RBFOX1: variants seen among roughly 807,000 people sequenced by gnomAD.
The protein encoded by RBFOX1 is RNA binding protein fox-1 homolog 1.
A neutral mutation model predicts 57.7 loss-of-function variants in RBFOX1; 8 were observed. That is an observed-to-expected ratio of 0.14 (90% CI 0.08 to 0.25). RBFOX1 has a LOEUF of 0.25. Among genes scored for constraint, RBFOX1 ranks in the 10% least tolerant of loss-of-function variants. The pLI is 1.00. For missense variants in RBFOX1, 611 were observed against 548.5 expected, an observed-to-expected ratio of 1.11 and a Z score of -1.14; for synonymous variants, 326 against 222.4, an observed-to-expected ratio of 1.47 and a Z score of -4.15.
intron 3 of RBFOX1, among the ~76,000 whole-genome samples, chr16:7,020,348 A>G (rs1597198258): frequency 1.3e-5 from 2 of 151,710 alleles, no homozygotes; most frequent in African/African-American, 4.8e-5. Flanking sequence ...GCCTCAGCCT[A>G]CGGAGTAGCT....
At chr16:7,140,132 C>CTT in intron 4 of RBFOX1, among the ~76,000 whole-genome samples, 15 of 147,886 alleles carry the variant, frequency 1.0e-4, no homozygotes, top group Non-Finnish European at 2.1e-4. Context: ...AATTCATTCT[C>CTT]ATTCTCTTAT....
chr16:5,555,991 A>T (rs2045659080), intron 2 of RBFOX1, among the ~76,000 whole-genome samples: 1 of 152,116 alleles, frequency 6.6e-6, no homozygotes, highest in South Asian at 2.1e-4. Flanking sequence ...ATTGCACTCC[A>T]GCCTGGGCAA....
intron 2 of RBFOX1, among the ~76,000 whole-genome samples, chr16:5,583,136 T>C (rs1290477080): frequency 6.6e-6 from 1 of 152,214 alleles, no homozygotes; most frequent in Non-Finnish European, 1.5e-5. Context: ...AGAGCTCAAA[T>C]ACATTCAAAC....
intron 4 of RBFOX1, among the ~76,000 whole-genome samples, chr16:7,354,153 T>C (rs2097174767): frequency 1.3e-5 from 2 of 152,060 alleles, no homozygotes; most frequent in Middle Eastern, 3.4e-3. Context: ...GTAGTTTTAG[T>C]AGAGAAAGGG....
intron 4 of RBFOX1, among the ~76,000 whole-genome samples, chr16:7,452,005 A>G (rs909531063): frequency 6.6e-6 from 1 of 152,236 alleles, no homozygotes; most frequent in Non-Finnish European, 1.5e-5. Flanking sequence ...TAGTACGACC[A>G]AAGAGAAAGA....
rs1353775621 is a variant in RBFOX1, at chr16:6,097,154, C to T, written c.-127+77162C>T. Among the ~76,000 whole-genome samples, 3 of 152,098 alleles carry T rather than the reference C, an allele frequency of 2.0e-5. No individual in the cohort carries two copies. ...TTTCACTTCGTTCTTATATTCTTTC[C>T]TGTCTGCTGCCTTGTAAGACGTGAC... On this transcript the variant is annotated intron_variant, in intron 1 of 15. Transcript: ENST00000550418. The surrounding 1 kb of genome is among the most constrained non-coding windows in gnomAD (Gnocchi z 5.0).
At chr16:5,501,651 C>G (rs1365958853) in intron 2 of RBFOX1, among the ~76,000 whole-genome samples, 1 of 152,168 alleles carries the variant, frequency 6.6e-6, no homozygotes, top group Non-Finnish European at 1.5e-5. Flanking sequence ...TGAGATGATG[C>G]CGTCAAATCT....
Position 5,424,879 on chromosome 16 carries a change from C to T in RBFOX1, c.220-42337C>T, listed in dbSNP as rs777217919. 4.0e-3 allele frequency among the ~76,000 whole-genome samples: 43 copies of T among 10,618 alleles called. 2 individuals are homozygous for T. The highest frequency in any genetic ancestry group is 0.011 in the East Asian group (5 of 460). 7.0% of individuals were successfully genotyped at this position (10,618 alleles called of 152,430 possible). On this transcript the variant is annotated intron_variant, in intron 1 of 2. Transcript: ENST00000585867. The stretch of plus-strand genomic sequence containing the variant: ...TCTCTCTTCTTTCTTTCTTTTTTTT[C>T]TTTCTTTCTTTCTTTCTTTCTTTCT...
rs118121896 is a variant in RBFOX1 at position 6,012,273 on chromosome 16, G to C, written c.351+144938G>C. On this transcript the variant is annotated intron_variant, in intron 4 of 19. Coordinates refer to the RBFOX1 transcript ENST00000641259. ...TGAGGACTCAATGAGAATCTGAATG[G>C]AGGTATAGACCTAGTGCCTAGTGCA... Among the ~76,000 whole-genome samples the C allele has an allele frequency of 4.8e-3, 735 of 152,310 alleles. 2 individuals are homozygous for C. The highest frequency in any genetic ancestry group is 7.7e-3 in the Non-Finnish European group (522 of 68,020).
intron 4 of RBFOX1, among the ~76,000 whole-genome samples, chr16:7,314,664 A>C (rs1286536020): frequency 6.6e-6 from 1 of 151,886 alleles, no homozygotes; most frequent in Admixed American, 6.6e-5. Flanking sequence ...ATGGGCTGAC[A>C]CTCTTTTATT....
chr16:5,903,404 C>T (rs2058359171), intron 4 of RBFOX1, among the ~76,000 whole-genome samples: 1 of 152,140 alleles, frequency 6.6e-6, no homozygotes, highest in Admixed American at 6.5e-5. Flanking sequence ...AGCAACATGA[C>T]ACAAAGCGGC....
At chr16:7,477,156 C>G (rs1448893385) in intron 4 of RBFOX1, among the ~76,000 whole-genome samples, 1 of 152,148 alleles carries the variant, frequency 6.6e-6, no homozygotes, top group Non-Finnish European at 1.5e-5. Context: ...AATCACAAAA[C>G]CAACTACAAA....
intron 4 of RBFOX1, among the ~76,000 whole-genome samples, chr16:7,074,456 A>C (rs148627915): frequency 6.6e-6 from 1 of 152,360 alleles, no homozygotes; most frequent in Admixed American, 6.5e-5. Context: ...TCTGAAATGT[A>C]AACATCAGAT....
At position 5,922,250 on chromosome 16, in the gene RBFOX1, C is replaced by A. The variant is rs542110682; in HGVS notation, c.351+54915C>A. 2.6e-5 allele frequency among the ~76,000 whole-genome samples: 4 copies of A among 152,296 alleles called. No homozygotes were observed. In the East Asian group the frequency reaches 7.7e-4, roughly 29 times the overall value. On this transcript the variant is annotated intron_variant, in intron 4 of 19. Transcript: ENST00000641259. ...ACCAAGGGGATGGTGTTAATCCATT[C>A]ATGAGGGATCCATCCCCATGATTCA...
intron 2 of RBFOX1, among the ~76,000 whole-genome samples, chr16:6,443,684 G>C (rs894925545): frequency 6.6e-6 from 1 of 152,128 alleles, no homozygotes; most frequent in Non-Finnish European, 1.5e-5. Context: ...TGAAATGATA[G>C]AGAAAAATGC....
chr16:6,135,731 C>CT (rs1209843678), intron 1 of RBFOX1, among the ~76,000 whole-genome samples: 11 of 150,182 alleles, frequency 7.3e-5, no homozygotes, highest in African/African-American at 2.7e-4. Context: ...CAACAAAAAT[C>CT]TCAAGTGTGG....
At chr16:5,695,903 G>T (rs1175354527) in intron 3 of RBFOX1, among the ~76,000 whole-genome samples, 8 of 152,086 alleles carry the variant, frequency 5.3e-5, no homozygotes, top group Non-Finnish European at 1.2e-4. Flanking sequence ...ACATCATGTT[G>T]TACCTCTTAA....
chr16:6,094,750 T>C (rs957306494), intron 1 of RBFOX1, among the ~76,000 whole-genome samples: 4 of 152,296 alleles, frequency 2.6e-5, no homozygotes, highest in African/African-American at 9.6e-5. Flanking sequence ...AGTGTTGTTG[T>C]GAGGATTAAA....
chr16:7,428,498 TTATTATTA>T (rs1568851714), intron 4 of RBFOX1, among the ~76,000 whole-genome samples: 4 of 100,842 alleles, frequency 4.0e-5, no homozygotes, highest in Admixed American at 9.5e-5. Context: ...GGCTATTTTA[TTATTATTA>T]TTATTATTAT....
Sources: gnomAD v4.1 joint callset for allele counts (sites outside exome capture counted in the v4.1 genomes callset) on GRCh38, gnomAD v4.1.1 for gene constraint, Gnocchi (gnomAD v3.1) non-coding constraint, MANE v1.5 for transcripts, NCBI Gene and HGNC (gene_info 2026-07-23, HGNC 2026-07-21) for gene names.